The following DNER variants were observed in gnomAD, a reference collection of about 807,000 sequenced individuals.
The protein encoded by DNER is delta and Notch-like epidermal growth factor-related receptor.
Under a neutral mutation model 78.2 loss-of-function variants are expected in DNER, and 33 were observed. The ratio of observed to expected loss-of-function variants is 0.42; its 90% CI spans 0.32 to 0.56. The LOEUF (loss-of-function observed/expected upper bound fraction) is 0.56, where lower values mean the gene tolerates loss of function less well. DNER is among the 20% of genes least tolerant of loss of function. The probability of loss-of-function intolerance (pLI) is 0.11; values close to 1 mark genes in which losing one functional copy is unlikely to be tolerated. For missense variants in DNER, 918 were observed against 975.3 expected (o/e 0.94, Z 0.78); for synonymous variants, 417 against 384.8 (o/e 1.08, Z -0.98).
At chr2:229,550,339 G>A (rs555318622) in intron 4 of DNER, among the ~76,000 whole-genome samples, 2 of 151,916 alleles carry the variant, frequency 1.3e-5, no homozygotes, top group African/African-American at 2.4e-5. Context: ...TTTTTATTTC[G>A]ATTATCATAG....
intron 6 of DNER, among the ~76,000 whole-genome samples, chr2:229,505,463 G>C: frequency 6.6e-6 from 1 of 152,104 alleles, no homozygotes; most frequent in East Asian, 1.9e-4. Flanking sequence ...AGCCGGGGGG[G>C]TCCCCTGGAC....
chr2:229,679,234 A>G (rs1699348434), intron 1 of DNER, among the ~76,000 whole-genome samples: 1 of 152,248 alleles, frequency 6.6e-6, no homozygotes, highest in African/African-American at 2.4e-5. Context: ...TAATTACTAT[A>G]GTATTTAAAG....
chr2:229,680,559 G>A (rs1699369417), intron 1 of DNER, among the ~76,000 whole-genome samples: 2 of 152,162 alleles, frequency 1.3e-5, no homozygotes, highest in Non-Finnish European at 2.9e-5. Context: ...CAGCAATTTG[G>A]TCTCAACACT....
chr2:229,360,866 G>A (rs2106323767), intron 12 of DNER, among the ~76,000 whole-genome samples: 2 of 152,312 alleles, frequency 1.3e-5, no homozygotes, highest in East Asian at 3.9e-4. Flanking sequence ...CTCCAAACAA[G>A]TATGGGTCAT....
chr2:229,388,138 T>G (rs1692936869), intron 11 of DNER, 127 bp downstream of exon 11: 1 of 1,375,326 alleles, frequency 7.3e-7, no homozygotes, highest in Non-Finnish European at 9.7e-7. Context: ...CCTCTGGGAC[T>G]CACTGCCTCA....
chr2:229,630,458 A>G (rs975863025), intron 1 of DNER, among the ~76,000 whole-genome samples: 2 of 148,608 alleles, frequency 1.3e-5, no homozygotes, highest in African/African-American at 2.5e-5. Flanking sequence ...CCTGGGCGAC[A>G]GAGTGAGAGA....
At chr2:229,364,844 CT>C (rs34346714) in intron 12 of DNER, among the ~76,000 whole-genome samples, 20,192 of 75,244 alleles carry the variant, frequency 0.27, 1,719 homozygotes, top group Middle Eastern at 0.32. Context: ...CTCTCTCTCT[CT>C]TTTTTTTTTT....
chr2:229,585,744 T>C (rs1034957213), intron 4 of DNER, 114 bp downstream of exon 4: 10 of 1,048,024 alleles, frequency 9.5e-6, no homozygotes, highest in South Asian at 9.2e-5. Flanking sequence ...AGAAATAGCA[T>C]TGATGGATAG....
chr2:229,661,316 C>CA (rs1202641870), intron 1 of DNER, among the ~76,000 whole-genome samples: 17 of 151,942 alleles, frequency 1.1e-4, no homozygotes, highest in African/African-American at 3.9e-4. Context: ...CACACCTCCC[C>CA]AAAAAAAACT....
intron 1 of DNER, among the ~76,000 whole-genome samples, chr2:229,682,746 G>T (rs1699406673): frequency 6.6e-6 from 1 of 152,154 alleles, no homozygotes. Context: ...TACTCAGGAG[G>T]CTGAGGCAGG....
intron 1 of DNER, among the ~76,000 whole-genome samples, chr2:229,651,109 G>T (rs1195950953): frequency 6.6e-6 from 1 of 152,158 alleles, no homozygotes; most frequent in Non-Finnish European, 1.5e-5. Flanking sequence ...GAGGACAAAG[G>T]CTGAAGTGTC....
intron 4 of DNER, among the ~76,000 whole-genome samples, chr2:229,563,133 C>T (rs562980221): frequency 2.7e-4 from 38 of 139,470 alleles, no homozygotes; most frequent in African/African-American, 1.0e-3. Context: ...CTCCTCATCC[C>T]ATCACCATCA....
intron 11 of DNER, among the ~76,000 whole-genome samples, chr2:229,383,853 A>C (rs1692800584): frequency 6.6e-6 from 1 of 152,236 alleles, no homozygotes; most frequent in African/African-American, 2.4e-5. Flanking sequence ...CAGATCCACG[A>C]GACAGAAGAT....
intron 4 of DNER, among the ~76,000 whole-genome samples, chr2:229,576,723 G>A (rs916850814): frequency 2.6e-5 from 4 of 152,180 alleles, no homozygotes; most frequent in Non-Finnish European, 4.4e-5. Context: ...AAAGTAATGT[G>A]AGACACATGA....
At chr2:229,599,206 A>T (rs1279294686) in intron 1 of DNER, among the ~76,000 whole-genome samples, 2 of 152,200 alleles carry the variant, frequency 1.3e-5, no homozygotes, top group Non-Finnish European at 2.9e-5. Flanking sequence ...AGAGGCAAGG[A>T]TGGGAAAGAA....
At chr2:229,388,548 A>C (rs943241233) in intron 10 of DNER, 152 bp from the exon 11 acceptor site, 2 of 739,030 alleles carry the variant, frequency 2.7e-6, no homozygotes, top group African/African-American at 3.9e-5. Context: ...ACTCTCAGAA[A>C]ATTCCAGACG....
At chr2:229,581,388 C>A (rs551630623) in intron 4 of DNER, among the ~76,000 whole-genome samples, 2 of 152,188 alleles carry the variant, frequency 1.3e-5, no homozygotes, top group African/African-American at 4.8e-5. Context: ...CGATGCTCCC[C>A]GAGAAGCGGG....
chr2:229,546,041 T>G (rs1441808922), intron 5 of DNER, among the ~76,000 whole-genome samples: 1 of 152,198 alleles, frequency 6.6e-6, no homozygotes, highest in African/African-American at 2.4e-5. Flanking sequence ...TCACAAAATC[T>G]CTACTTTATA....
At chr2:229,400,510 C>T (rs916961279) in intron 10 of DNER, among the ~76,000 whole-genome samples, 1 of 151,834 alleles carries the variant, frequency 6.6e-6, no homozygotes, top group African/African-American at 2.4e-5. Flanking sequence ...TCTTGCAGTG[C>T]CAGAACGTAT....
Sources: gnomAD v4.1 joint callset for allele counts (sites outside exome capture counted in the v4.1 genomes callset) on GRCh38, gnomAD v4.1.1 for gene constraint, MANE v1.5 for transcripts, NCBI Gene and HGNC (gene_info 2026-07-23, HGNC 2026-07-21) for gene names.